The following H3C6 variants were observed in gnomAD, a reference collection of about 807,000 sequenced individuals.
H3C6 encodes H3 clustered histone 6.
H3C6 carries 17 observed loss-of-function variants against 8.0 expected under a neutral mutation model. The observed-to-expected ratio is 2.13, with a 90% CI of 1.46 to 3.19. H3C6 has a LOEUF of 3.19. H3C6 is among the 30% of genes most tolerant of loss of function. H3C6 has a pLI of 0.00. For synonymous variants in H3C6, 169 were observed against 78.0 expected, an observed-to-expected ratio of 2.17 and a Z score of -6.15; for missense variants, 298 against 193.8, an observed-to-expected ratio of 1.54 and a Z score of -3.19.
rs781361489 is a variant in H3C6 at position 26,225,150 on chromosome 6, G to C, written c.-5G>C. ...TTCCTAACTCATTTACTTTGCAGAT[G>C]AACTATGGCGCGTACTAAGCAGACG... is the stretch of plus-strand genomic sequence containing the variant. On this transcript the variant is annotated 5_prime_UTR_variant, in exon 1 of 1. It removes an upstream start codon present in the reference 5' UTR. Transcript: ENST00000614911. 6.5e-7 allele frequency: 1 copy of C among 1,537,560 alleles called. No homozygotes were observed. The highest frequency in any genetic ancestry group is 1.4e-5 in the African/African-American group (1 of 72,164).
chr6:26,225,703 A>G, downstream of H3C6: 1 of 1,093,870 alleles, frequency 9.1e-7, no homozygotes, highest in Non-Finnish European at 1.3e-6. Context: ...AAATAGTGGC[A>G]TTCAGTTCCC....
At position 26,225,288 on chromosome 6, in the gene H3C6, G is replaced by C; in HGVS notation, c.134G>C (p.Gly45Ala). Residue 45 changes from glycine (G) to alanine (A), a missense_variant, in exon 1 of 1, where the codon GGC becomes GCC. Coordinates refer to ENST00000614911, the MANE Select transcript of H3C6 (RefSeq NM_003532.3). ...AAGAAGCCCCATCGCTACCGCCCTG[G>C]CACCGTGGCTCTGCGCGAGATCCGT... is the stretch of plus-strand genomic sequence containing the variant. ...GVKKPHRYRP[G>A]TVALREIRRY... The C allele has an allele frequency of 6.2e-7, 1 of 1,614,180 alleles. No individual in the cohort carries two copies. The highest frequency in any genetic ancestry group is 8.5e-7 in the Non-Finnish European group (1 of 1,180,014).
At position 26,225,457 on chromosome 6, in the gene H3C6, G is replaced by C. The variant is rs748039771; in HGVS notation, c.303G>C (p.Leu101Phe). The change falls in exon 1 of 1, where the codon TTG (leucine) becomes TTC (phenylalanine). Residue 101 changes from leucine to phenylalanine, a missense_variant. Physicochemically the swap from Leu to Phe is conservative, Grantham distance 22. Coordinates refer to ENST00000614911, the MANE Select transcript of H3C6 (RefSeq NM_003532.3). ...MALQEACEAY[L>F]VGLFEDTNLC... ...TGCAGGAGGCCTGCGAGGCCTACTT[G>C]GTGGGGCTTTTCGAGGACACCAACC... The C allele has an allele frequency of 4.3e-6, 7 of 1,614,254 alleles. No individual in the cohort carries two copies. Among genetic ancestry groups the C allele is most frequent in the South Asian group, 1.1e-5 (1 of 91,090 alleles).
At chr6:26,225,787 G>A, downstream of H3C6, 1 of 513,974 alleles carries the variant, frequency 1.9e-6, no homozygotes, top group Non-Finnish European at 3.4e-6. Flanking sequence ...TCCCTACGCT[G>A]TTCTCCATTG....
downstream of H3C6, chr6:26,226,064 G>C (rs914689693): frequency 6.5e-6 from 1 of 153,580 alleles, no homozygotes; most frequent in African/African-American, 2.4e-5. Flanking sequence ...TACTCCACTA[G>C]TGTTTTGAGA....
Position 26,225,284 on chromosome 6 carries a change from C to T in H3C6, c.130C>T (p.Pro44Ser), listed in dbSNP as rs138951289. 95 of 1,614,092 alleles carry T rather than the reference C, an allele frequency of 5.9e-5. No individual in the cohort carries two copies. The highest frequency in any genetic ancestry group is 8.0e-5 in the Non-Finnish European group (94 of 1,180,036). Residue 44 changes from proline (P) to serine (S), a missense_variant, in exon 1 of 1, where the codon CCT becomes TCT. By Grantham distance (74) the Pro-to-Ser change is moderately conservative. Transcript: ENST00000614911. Reference sequence around the variant, plus strand: ...CGTGAAGAAGCCCCATCGCTACCGCCCTGGCACCGTGGCTCTGCGCGAGAT... The same window carrying T: ...CGTGAAGAAGCCCCATCGCTACCGCTCTGGCACCGTGGCTCTGCGCGAGAT... ...GGVKKPHRYR[P>S]GTVALREIRR...
At position 26,225,523 on chromosome 6, in the gene H3C6, A is replaced by G. The variant is rs1759517821; in HGVS notation, c.369A>G (p.Lys123=). 1 of 1,614,040 alleles carries G rather than the reference A, an allele frequency of 6.2e-7. No individual in the cohort carries two copies. The highest frequency in any genetic ancestry group is 8.5e-7 in the Non-Finnish European group (1 of 1,179,998). Residue 123 remains lysine (K), a synonymous_variant, in exon 1 of 1, where the codon AAA becomes AAG. Coordinates refer to ENST00000614911, the MANE Select transcript of H3C6 (RefSeq NM_003532.3). ...CCAAACGCGTGACCATCATGCCTAA[A>G]GACATCCAGCTTGCCCGCCGCATTC... ...IHAKRVTIMP[K]DIQLARRIRG...
downstream of H3C6, chr6:26,225,699 T>TA (rs1759530394): frequency 3.6e-6 from 4 of 1,110,062 alleles, no homozygotes; most frequent in African/African-American, 6.3e-5. Context: ...TTTGAAATAG[T>TA]GGCATTCAGT....
chr6:26,225,043 A>G (rs1038468575), upstream of H3C6: 33 of 1,229,892 alleles, frequency 2.7e-5, no homozygotes, highest in Non-Finnish European at 3.6e-5. Context: ...CCACTTCCGG[A>G]ATTTAGCAAC....
downstream of H3C6, chr6:26,227,109 G>A (rs1019037303): frequency 1.3e-5 from 2 of 152,172 alleles, no homozygotes; most frequent in African/African-American, 2.4e-5. Context: ...ATGAAGATGT[G>A]GGTCTTGTGA....
chr6:26,224,535 A>ATAG (rs1415337270), upstream of H3C6, among the ~76,000 whole-genome samples: 2 of 152,244 alleles, frequency 1.3e-5, no homozygotes, highest in South Asian at 4.1e-4. Flanking sequence ...AAACGAAATA[A>ATAG]TAGTGTTAAG....
rs760794650 is a variant in H3C6, at chr6:26,225,203, C to T, written c.49C>T (p.Pro17Ser). ...TCGTAAATCCACAGGCGGTAAAGCA[C>T]CGCGCAAACAGCTGGCCACTAAGGC... The part of the protein sequence containing the change: ...TARKSTGGKA[P>S]RKQLATKAAR... Residue 17 changes from proline to serine, a missense_variant, in exon 1 of 1, where the codon CCG (proline) becomes TCG (serine). By Grantham distance (74) the Pro-to-Ser change is moderately conservative. Coordinates refer to ENST00000614911, the MANE Select transcript of H3C6 (RefSeq NM_003532.3). The T allele has an allele frequency of 6.2e-7, 1 of 1,601,362 alleles. No homozygotes were observed. The highest frequency in any genetic ancestry group is 8.5e-7 in the Non-Finnish European group (1 of 1,173,842).
chr6:26,225,854 C>A (rs554181876), downstream of H3C6: 26 of 304,574 alleles, frequency 8.5e-5, no homozygotes, highest in African/African-American at 4.6e-4. Flanking sequence ...GTACATTGTT[C>A]TCGTTTTCTA....
upstream of H3C6, chr6:26,225,102 C>CA: frequency 6.6e-7 from 1 of 1,509,766 alleles, no homozygotes; most frequent in East Asian, 2.3e-5. Flanking sequence ...GATTCTGTTC[C>CA]TATATAGAGG....
In H3C6 at chr6:26,225,317, T is replaced by C; in HGVS notation, c.163T>C (p.Tyr55His). 1 of 1,614,242 alleles carries C rather than the reference T, an allele frequency of 6.2e-7. No individual in the cohort carries two copies. The highest frequency in any genetic ancestry group is 8.5e-7 in the Non-Finnish European group (1 of 1,180,032). Residue 55 changes from tyrosine (Y) to histidine (H), a missense_variant, in exon 1 of 1, where the codon TAC becomes CAC. By Grantham distance (83) the Tyr-to-His change is moderately conservative. Transcript: ENST00000614911. Reference sequence around the variant, plus strand: ...CGTGGCTCTGCGCGAGATCCGTCGCTACCAGAAGTCTACCGAGCTTCTAAT... The same window carrying C: ...CGTGGCTCTGCGCGAGATCCGTCGCCACCAGAAGTCTACCGAGCTTCTAAT... ...GTVALREIRR[Y>H]QKSTELLIRK...
rs752115135 is a variant in H3C6 at position 26,225,354 on chromosome 6, C to T, written c.200C>T (p.Pro67Leu). ...KSTELLIRKL[P>L]FQRLVREIAQ... Reference sequence around the variant, plus strand: ...ACCGAGCTTCTAATCCGGAAGCTGCCGTTTCAGCGCCTGGTGCGAGAAATA... The same window carrying T: ...ACCGAGCTTCTAATCCGGAAGCTGCTGTTTCAGCGCCTGGTGCGAGAAATA... Residue 67 changes from proline to leucine, a missense_variant, in exon 1 of 1, where the codon CCG (proline) becomes CTG (leucine). Pro to Leu is a moderately conservative substitution (Grantham distance 98). Transcript: ENST00000614911. 9 of 1,614,122 alleles carry T rather than the reference C, an allele frequency of 5.6e-6. No individual in the cohort carries two copies. The highest frequency in any genetic ancestry group is 2.2e-5 in the East Asian group (1 of 44,894).
chr6:26,224,684 C>T (rs1317532962), upstream of H3C6, among the ~76,000 whole-genome samples: 2 of 152,066 alleles, frequency 1.3e-5, no homozygotes, highest in Non-Finnish European at 2.9e-5. Context: ...TAGCCTTGTA[C>T]TCTATAATGA....
At chr6:26,225,681 A>G, downstream of H3C6, 2 of 1,234,112 alleles carry the variant, frequency 1.6e-6, no homozygotes. Flanking sequence ...CACTGATCCA[A>G]ATAGACATTT....
At chr6:26,225,066 G>C, upstream of H3C6, 1 of 1,377,252 alleles carries the variant, frequency 7.3e-7, no homozygotes, top group Admixed American at 2.5e-5. Context: ...ATCACTAACA[G>C]GGATCGTCCA....
Sources: allele counts gnomAD v4.1 joint callset (sites outside exome capture counted in the v4.1 genomes callset), GRCh38; gene constraint gnomAD v4.1.1; transcripts MANE v1.5; gene names NCBI Gene and HGNC (gene_info 2026-07-23, HGNC 2026-07-21).